COL22A1: variants seen among roughly 807,000 people sequenced by gnomAD.
COL22A1 encodes the protein collagen type XXII alpha 1 chain, also known as collagen alpha-1(XXII) chain.
Under a neutral mutation model 248.9 loss-of-function variants are expected in COL22A1, and 221 were observed. The observed-to-expected ratio is 0.89, with a 90% CI of 0.80 to 0.99. COL22A1 has a LOEUF of 0.99. COL22A1 is among the 50% of genes least tolerant of loss of function. The probability of loss-of-function intolerance (pLI) is 0.00; values close to 1 mark genes in which losing one functional copy is unlikely to be tolerated. For missense variants in COL22A1, 2,240 were observed against 2,179.0 expected, an observed-to-expected ratio of 1.03 and a Z score of -0.56; for synonymous variants, 891 against 793.4, an observed-to-expected ratio of 1.12 and a Z score of -2.07.
intron 47 of COL22A1, among the ~76,000 whole-genome samples, chr8:138,646,383 C>A (rs1356111648): frequency 6.6e-6 from 1 of 152,144 alleles, no homozygotes; most frequent in Non-Finnish European, 1.5e-5. Flanking sequence ...CCACACAGTC[C>A]AATTCTTCCA....
chr8:138,777,994 A>G, intron 15 of COL22A1: 1 of 357,164 alleles, frequency 2.8e-6, no homozygotes, highest in South Asian at 2.4e-5. Flanking sequence ...AATTCAGTAG[A>G]CTCCACCCTT....
At chr8:138,648,975 T>C (rs1286968062) in intron 46 of COL22A1, among the ~76,000 whole-genome samples, 1 of 152,384 alleles carries the variant, frequency 6.6e-6, no homozygotes, top group East Asian at 1.9e-4. Context: ...AGATTGTCTG[T>C]AATGCACATT....
chr8:138,629,321 T>C (rs1348144085), intron 50 of COL22A1, among the ~76,000 whole-genome samples: 2 of 152,036 alleles, frequency 1.3e-5, no homozygotes, highest in African/African-American at 4.8e-5. Context: ...CGTGCGAGAC[T>C]AATTTTTGTA....
intron 5 of COL22A1, among the ~76,000 whole-genome samples, chr8:138,828,660 T>C (rs1819786917): frequency 6.6e-6 from 1 of 151,558 alleles, no homozygotes. Context: ...AAGAAGGTAT[T>C]AAAGGCGTGA....
chr8:138,589,583 G>T, intron 64 of COL22A1, 143 bp from the exon 65 acceptor site: 1 of 597,000 alleles, frequency 1.7e-6, no homozygotes. Context: ...TGGGAGCTCT[G>T]AGCAACTAGA....
Position 138,688,906 on chromosome 8 carries a change from AT to A in COL22A1, c.2862+10del. 1 of 1,609,656 alleles carries A rather than the reference AT, an allele frequency of 6.2e-7. No homozygotes were observed. Among genetic ancestry groups the A allele is most frequent in the East Asian group, 2.2e-5 (1 of 44,820 alleles). On this transcript the variant is annotated intron_variant, in intron 37 of 64. Transcript: ENST00000303045. ...ATTCACTTGTGTGCTGAGAGATCAT[AT>A]TGGTCTTACCTTCTCACCACGCTCC... is the stretch of plus-strand genomic sequence containing the variant.
rs750001486 is a variant in COL22A1, at chr8:138,826,643, A to G, written c.969+15T>C. 1.4e-5 allele frequency: 22 copies of G among 1,613,306 alleles called. 1 individual carries two copies. The highest frequency in any genetic ancestry group is 6.7e-5 in the Admixed American group (4 of 59,992). On this transcript the variant is annotated intron_variant, in intron 6 of 64. Transcript: ENST00000303045. ...AAGCTCAGGACCACTGAGATAAGGC[A>G]TCTGCTGCCCTTACCTGTGGGATGC...
intron 3 of COL22A1, among the ~76,000 whole-genome samples, chr8:138,860,240 C>A (rs1428663715): frequency 6.6e-6 from 1 of 152,192 alleles, no homozygotes; most frequent in Non-Finnish European, 1.5e-5. Flanking sequence ...TAACCTTGAT[C>A]TAATCGATTT....
Position 138,696,457 on chromosome 8 carries a change from G to A in COL22A1, c.2593-1578C>T, listed in dbSNP as rs1827510858. 2.1e-5 allele frequency among the ~76,000 whole-genome samples: 3 copies of A among 141,962 alleles called. No individual in the cohort carries two copies. In the South Asian group the frequency reaches 6.5e-4, roughly 31 times the overall value. The allele number at this position is 141,962 out of a possible 152,430, so 93.1% of individuals were successfully genotyped here. A position where few individuals can be genotyped will look rare whatever the true frequency, so the allele number is the denominator to read the frequency against. On this transcript the variant is annotated intron_variant, in intron 32 of 64. Coordinates refer to ENST00000303045, the MANE Select transcript of COL22A1 (RefSeq NM_152888.3). ...ATGTCTACATTAGAGAACCTGAGTA[G>A]TTCTAACCTTTACTTGGTGGAGAAA...
At position 138,598,818 on chromosome 8, in the gene COL22A1, T is replaced by A; in HGVS notation, c.4266A>T (p.Lys1422Asn). Reference sequence around the variant, plus strand: ...GGGGACCCATCAGGCCTGTGTGGCCTTTGTGGCCTGGGATTCCAGGGTCCC... The same window carrying A: ...GGGGACCCATCAGGCCTGTGTGGCCATTGTGGCCTGGGATTCCAGGGTCCC... ...QPGDPGIPGH[K>N]GHTGLMGPQG... Residue 1422 changes from lysine (K) to asparagine (N), a missense_variant, in exon 61 of 65, where the codon AAA (lysine) becomes AAT (asparagine). Physicochemically the swap from Lys to Asn is moderately conservative, Grantham distance 94. Coordinates refer to ENST00000303045, the MANE Select transcript of COL22A1 (RefSeq NM_152888.3). 6.2e-7 allele frequency: 1 copy of A among 1,614,154 alleles called. No individual in the cohort carries two copies. The highest frequency in any genetic ancestry group is 2.2e-5 in the East Asian group (1 of 44,862).
intron 4 of COL22A1, 90 bp downstream of exon 4, chr8:138,843,994 T>G: frequency 2.6e-6 from 3 of 1,150,610 alleles, no homozygotes; most frequent in Non-Finnish European, 4.0e-6. Flanking sequence ...ACAGGGTCAG[T>G]GAGGCCACCC....
intron 51 of COL22A1, 27 bp downstream of exon 51, chr8:138,626,163 T>C (rs1283359298): frequency 3.2e-6 from 5 of 1,566,370 alleles, no homozygotes; most frequent in Non-Finnish European, 4.3e-6. Flanking sequence ...TTGTTTTTGT[T>C]TGTTTGTTTT....
At position 138,676,655 on chromosome 8, in the gene COL22A1, A is replaced by C; in HGVS notation, c.3073-20T>G. 2.0e-6 allele frequency: 3 copies of C among 1,524,894 alleles called. No individual in the cohort carries two copies. Among genetic ancestry groups the C allele is most frequent in the Non-Finnish European group, 2.7e-6 (3 of 1,121,648 alleles). The allele number at this position is 1,524,894 out of a possible 1,614,324, so 94.5% of individuals were successfully genotyped here. ...ATCCCCCTAGAAAGAGAGAAAAATA[A>C]GATCAAGGAGGTCAGTGCCAGGAAG... On this transcript the variant is annotated intron_variant, in intron 40 of 64. Transcript: ENST00000303045.
chr8:138,851,412 G>C (rs751009491), intron 3 of COL22A1, among the ~76,000 whole-genome samples: 2 of 152,204 alleles, frequency 1.3e-5, no homozygotes, highest in Non-Finnish European at 1.5e-5. Context: ...GCCCAAGGCC[G>C]AGTTTGGAAT....
At chr8:138,722,296 A>C (rs1586569671) in intron 25 of COL22A1, 2 of 574,208 alleles carry the variant, frequency 3.5e-6, no homozygotes, top group East Asian at 3.1e-5. Flanking sequence ...AGCAAATATC[A>C]CCCTCTGGGC....
intron 62 of COL22A1, among the ~76,000 whole-genome samples, chr8:138,596,171 G>A (rs961780808): frequency 1.3e-5 from 2 of 152,210 alleles, no homozygotes; most frequent in African/African-American, 2.4e-5. Flanking sequence ...ATGTTGGCAC[G>A]ATTACTACTA....
intron 11 of COL22A1, among the ~76,000 whole-genome samples, chr8:138,801,866 G>A (rs965242134): frequency 2.7e-5 from 4 of 149,476 alleles, no homozygotes; most frequent in African/African-American, 1.0e-4. Flanking sequence ...GGTGACAAGA[G>A]CAAGACTTTA....
intron 32 of COL22A1, among the ~76,000 whole-genome samples, chr8:138,698,500 C>A (rs1827698325): frequency 6.6e-6 from 1 of 152,196 alleles, no homozygotes; most frequent in African/African-American, 2.4e-5. Context: ...GCATGGGGTG[C>A]TCTGTCCTTC....
chr8:138,725,257 C>T, intron 24 of COL22A1, 130 bp downstream of exon 24: 1 of 959,194 alleles, frequency 1.0e-6, no homozygotes. Context: ...TCGGGGTCCT[C>T]CTGTGTGTGT....
Sources: gnomAD v4.1 joint callset for allele counts (sites outside exome capture counted in the v4.1 genomes callset) on GRCh38, gnomAD v4.1.1 for gene constraint, MANE v1.5 for transcripts, NCBI Gene and HGNC (gene_info 2026-07-23, HGNC 2026-07-21) for gene names.